The following MLIP variants were observed in gnomAD, a reference collection of about 807,000 sequenced individuals.
The protein encoded by MLIP is muscular LMNA-interacting protein.
A neutral mutation model predicts 84.8 loss-of-function variants in MLIP; 79 were observed. The observed-to-expected ratio is 0.93, with a 90% CI of 0.78 to 1.12. The LOEUF (loss-of-function observed/expected upper bound fraction) is 1.12, where lower values mean the gene tolerates loss of function less well. Among genes scored for constraint, MLIP ranks in the 50% most tolerant of loss-of-function variants. The pLI is 0.00. For missense variants in MLIP, 1,257 were observed against 1,160.6 expected (o/e 1.08, Z -1.21); for synonymous variants, 504 against 463.0 (o/e 1.09, Z -1.14).
At chr6:54,037,823 A>G (rs1441137181) in intron 1 of MLIP, among the ~76,000 whole-genome samples, 1 of 151,960 alleles carries the variant, frequency 6.6e-6, no homozygotes, top group Non-Finnish European at 1.5e-5. Flanking sequence ...TTGGATTCAA[A>G]CAATTAATTC....
chr6:54,040,444 G>A (rs1454452963), intron 1 of MLIP, among the ~76,000 whole-genome samples: 1 of 151,964 alleles, frequency 6.6e-6, no homozygotes, highest in Non-Finnish European at 1.5e-5. Flanking sequence ...CAGAAAAAAG[G>A]GAACACTTAC....
intron 1 of MLIP, among the ~76,000 whole-genome samples, chr6:54,065,931 T>A (rs1274512977): frequency 1.0e-5 from 1 of 99,690 alleles, no homozygotes; most frequent in African/African-American, 2.6e-5. Context: ...CCAGTTTTCA[T>A]ACATAATAAA....
chr6:54,114,976 C>T (rs148078462), intron 1 of MLIP, among the ~76,000 whole-genome samples: 85 of 152,032 alleles, frequency 5.6e-4, no homozygotes, highest in African/African-American at 1.8e-3. Context: ...GTTACCTTAA[C>T]GAAATAGGAA....
rs115974894 is a variant in MLIP, at chr6:54,235,962, C to T, written c.2922+5045C>T. ...GTCCTTATCAACTGTAGGTCAGTTA[C>T]TTTTGTGCCCCTACAGCTTACATGG... On this transcript the variant is annotated intron_variant, in intron 12 of 13. Transcript: ENST00000502396. Among the ~76,000 whole-genome samples, 79 of 152,246 alleles carry T rather than the reference C, an allele frequency of 5.2e-4. No individual in the cohort carries two copies. In the Middle Eastern group the frequency reaches 0.01, roughly 20 times the overall value.
intron 1 of MLIP, among the ~76,000 whole-genome samples, chr6:54,077,387 A>T (rs7742515): frequency 0.24 from 36,809 of 151,820 alleles, 4,778 homozygotes; most frequent in African/African-American, 0.33. Flanking sequence ...AAAAAAAAAA[A>T]TAGGTGGCAG....
intron 1 of MLIP, among the ~76,000 whole-genome samples, chr6:54,044,463 C>A (rs1284087745): frequency 6.6e-6 from 1 of 152,208 alleles, no homozygotes; most frequent in Non-Finnish European, 1.5e-5. Context: ...CTACTTAAAA[C>A]ATACTCTTGA....
intron 1 of MLIP, 106 bp from the exon 2 acceptor site, chr6:54,121,341 A>T: frequency 8.5e-7 from 1 of 1,181,738 alleles, no homozygotes; most frequent in Non-Finnish European, 1.2e-6. Context: ...ACAGGACAAT[A>T]GGCAATTCAT....
intron 1 of MLIP, among the ~76,000 whole-genome samples, chr6:54,052,032 G>A (rs1765403609): frequency 1.3e-5 from 2 of 152,034 alleles, no homozygotes; most frequent in Non-Finnish European, 2.9e-5. Flanking sequence ...CCATCTTACT[G>A]CTGCTCTGCT....
Position 54,138,074 on chromosome 6 carries a change from A to C in MLIP, c.2005A>C (p.Thr669Pro). The C allele has an allele frequency of 1.3e-6, 2 of 1,535,968 alleles. No individual in the cohort carries two copies. The highest frequency in any genetic ancestry group is 8.7e-7 in the Non-Finnish European group (1 of 1,146,856). ...SSSLPHANLP[T>P]LVPQLSPSAL... ...CTCTCTCCCTCATGCCAATCTGCCC[A>C]CCCTGGTGCCCCAGCTCAGTCCCTC... The change falls in exon 4 of 14, where the codon ACC becomes CCC. Residue 669 changes from threonine to proline, a missense_variant. By Grantham distance (38) the Thr-to-Pro change is conservative. Coordinates refer to ENST00000502396, the MANE Select transcript of MLIP (RefSeq NM_001281747.2).
chr6:54,202,256 G>A (rs754231383), intron 11 of MLIP, 23 bp downstream of exon 11: 3 of 1,356,326 alleles, frequency 2.2e-6, no homozygotes, highest in South Asian at 2.1e-5. Context: ...AAGAGAAAAT[G>A]TTTGCTATTT....
At chr6:54,091,182 T>C (rs1767848373) in intron 1 of MLIP, among the ~76,000 whole-genome samples, 2 of 152,068 alleles carry the variant, frequency 1.3e-5, no homozygotes, top group South Asian at 4.1e-4. Context: ...GAGAACTGCT[T>C]CTGTAGAGTA....
upstream of MLIP, among the ~76,000 whole-genome samples, chr6:54,110,664 A>G (rs1023699570): frequency 6.6e-6 from 1 of 152,214 alleles, no homozygotes; most frequent in East Asian, 1.9e-4. Flanking sequence ...ATCTATATCT[A>G]GTCCTTTGGA....
intron 12 of MLIP, among the ~76,000 whole-genome samples, chr6:54,249,674 G>C (rs1782322225): frequency 6.6e-6 from 1 of 150,994 alleles, no homozygotes; most frequent in Admixed American, 6.6e-5. Context: ...CAAGCAGCTT[G>C]CAGTCTTTTG....
intron 1 of MLIP, among the ~76,000 whole-genome samples, chr6:54,037,247 T>C (rs76596121): frequency 0.028 from 4,205 of 152,078 alleles, 184 homozygotes; most frequent in African/African-American, 0.094. Flanking sequence ...CAGGGGTACA[T>C]CGTACAGCTG....
At position 54,137,248 on chromosome 6, in the gene MLIP, C is replaced by G; in HGVS notation, c.1179C>G (p.Ser393Arg). ...ACGGCTCTTCTTCCACCATCTGCAGCCAAATGTCATCTAGTGGAAATCTTT... is the reference window on the plus strand; with the variant it reads ...ACGGCTCTTCTTCCACCATCTGCAGGCAAATGTCATCTAGTGGAAATCTTT... ...SFHGSSSTIC[S>R]QMSSSGNLSK... Residue 393 changes from serine (S) to arginine (R), a missense_variant, in exon 4 of 14, where the codon AGC becomes AGG. Transcript: ENST00000502396. The G allele has an allele frequency of 6.5e-7, 1 of 1,536,064 alleles. No individual in the cohort carries two copies. The highest frequency in any genetic ancestry group is 1.2e-5 in the South Asian group (1 of 84,042).
At chr6:54,108,847 GA>G, upstream of MLIP, among the ~76,000 whole-genome samples, 1 of 152,012 alleles carries the variant, frequency 6.6e-6, no homozygotes, top group Non-Finnish European at 1.5e-5. Context: ...GATCAGAGAG[GA>G]AAGGACAGAA....
chr6:54,120,708 C>T (rs1177631087), intron 1 of MLIP, among the ~76,000 whole-genome samples: 1 of 152,140 alleles, frequency 6.6e-6, no homozygotes, highest in African/African-American at 2.4e-5. Context: ...ATCTCCCTAT[C>T]CTCCTTTTCA....
chr6:54,232,450 A>C (rs560905448), intron 12 of MLIP, among the ~76,000 whole-genome samples: 9 of 152,272 alleles, frequency 5.9e-5, no homozygotes, highest in African/African-American at 2.2e-4. Context: ...AATCCTCATA[A>C]TAGATTTTGT....
chr6:54,217,657 T>G, intron 11 of MLIP: 1 of 983,960 alleles, frequency 1.0e-6, no homozygotes, highest in South Asian at 4.7e-5. Flanking sequence ...AGTAAAGCCT[T>G]TTTTTGAAAC....
Sources: gnomAD v4.1 joint callset for allele counts (sites outside exome capture counted in the v4.1 genomes callset) on GRCh38, gnomAD v4.1.1 for gene constraint, MANE v1.5 for transcripts, NCBI Gene and HGNC (gene_info 2026-07-23, HGNC 2026-07-21) for gene names.